LEKR1: variants seen among roughly 807,000 people sequenced by gnomAD.
The protein encoded by LEKR1 is protein LEKR1.
Under a neutral mutation model 72.4 loss-of-function variants are expected in LEKR1, and 59 were observed. The ratio of observed to expected loss-of-function variants is 0.82; its 90% CI spans 0.66 to 1.01. LEKR1 has a LOEUF of 1.01. Among genes scored for constraint, LEKR1 ranks in the 50% least tolerant of loss-of-function variants. The probability of loss-of-function intolerance (pLI) is 0.00; values close to 1 mark genes in which losing one functional copy is unlikely to be tolerated. For synonymous variants in LEKR1, 257 were observed against 263.2 expected (o/e 0.98, Z 0.23); for missense variants, 728 against 759.2 (o/e 0.96, Z 0.48).
chr3:156,854,881 C>A (rs1224585027), intron 3 of LEKR1, among the ~76,000 whole-genome samples: 1 of 152,062 alleles, frequency 6.6e-6, no homozygotes, highest in East Asian at 1.9e-4. Context: ...TAGTTTATAT[C>A]TTTATCTTTT....
intron 6 of LEKR1, among the ~76,000 whole-genome samples, chr3:156,968,142 G>T (rs1728802275): frequency 6.6e-6 from 1 of 152,100 alleles, no homozygotes; most frequent in Admixed American, 6.5e-5. Flanking sequence ...ACATGGAAAG[G>T]AACAACCAGT....
At chr3:156,874,680 C>G (rs1718356787) in intron 3 of LEKR1, among the ~76,000 whole-genome samples, 1 of 152,122 alleles carries the variant, frequency 6.6e-6, no homozygotes, top group Non-Finnish European at 1.5e-5. Flanking sequence ...CTTTATCCCT[C>G]AAGTCCCTCC....
chr3:156,948,068 A>C (rs750060530), intron 6 of LEKR1, among the ~76,000 whole-genome samples: 28 of 151,208 alleles, frequency 1.9e-4, no homozygotes, highest in Non-Finnish European at 3.9e-4. Context: ...TTTGAATTGC[A>C]TTATATTTAT....
At chr3:156,831,682 A>G (rs960146660) in intron 2 of LEKR1, among the ~76,000 whole-genome samples, 7 of 152,196 alleles carry the variant, frequency 4.6e-5, no homozygotes, top group African/African-American at 1.7e-4. Context: ...TAAAACCATC[A>G]GATCTTGTGA....
At chr3:156,935,815 A>T (rs1438247986) in intron 5 of LEKR1, among the ~76,000 whole-genome samples, 1 of 152,198 alleles carries the variant, frequency 6.6e-6, no homozygotes, top group Non-Finnish European at 1.5e-5. Context: ...GAAATAAAAT[A>T]CACTATTAAA....
rs1050186854 is a variant in LEKR1, at chr3:156,916,725, T to C, written c.264-3850T>C. On this transcript the variant is annotated intron_variant, in intron 3 of 12. Transcript: ENST00000356539. The stretch of plus-strand genomic sequence containing the variant: ...AACAGGGATAGTTTGACTTCCTCTC[T>C]TCCTATTTGGATGTACTTCATTTCT... Among the ~76,000 whole-genome samples the C allele has an allele frequency of 1.2e-4, 18 of 152,312 alleles. No individual in the cohort carries two copies. In the South Asian group the frequency reaches 3.3e-3, roughly 28 times the overall value.
intron 3 of LEKR1, among the ~76,000 whole-genome samples, chr3:156,857,473 G>T (rs1367047089): frequency 6.6e-6 from 1 of 152,096 alleles, no homozygotes; most frequent in East Asian, 1.9e-4. Flanking sequence ...TAAGTATATA[G>T]CTACAGGTTG....
intron 12 of LEKR1, among the ~76,000 whole-genome samples, chr3:157,039,986 G>A (rs1735235601): frequency 6.6e-6 from 1 of 152,192 alleles, no homozygotes; most frequent in Admixed American, 6.5e-5. Context: ...GGAGGATCAA[G>A]AAAGCTTTTA....
rs868046609 is a variant in LEKR1 at position 156,927,512 on chromosome 3, A to T, written c.467A>T (p.Lys156Ile). ...ACTAAAAGGGAACTAACCAGTATTA[A>T]AAATGAAGTATATGATAATTACCAA... ...TFTKRELTSI[K>I]NEVYDNYQNW... is the part of the protein sequence containing the mutation. The change falls in exon 5 of 13, where the codon AAA becomes ATA. Residue 156 changes from lysine to isoleucine, a missense_variant. By Grantham distance (102) the Lys-to-Ile change is moderately radical. Transcript: ENST00000356539. 1 of 1,211,728 alleles carries T rather than the reference A, an allele frequency of 8.3e-7. No individual in the cohort carries two copies. The highest frequency in any genetic ancestry group is 1.1e-6 in the Non-Finnish European group (1 of 945,184). 75.1% of individuals were successfully genotyped at this position (1,211,728 alleles called of 1,614,324 possible). A position where few individuals can be genotyped will look rare whatever the true frequency, so the allele number is the denominator to read the frequency against.
chr3:157,009,263 G>A (rs1327764990), intron 9 of LEKR1, among the ~76,000 whole-genome samples: 1 of 152,044 alleles, frequency 6.6e-6, no homozygotes, highest in Non-Finnish European at 1.5e-5. Flanking sequence ...ATTTAAATAT[G>A]TAATTGTCTT....
chr3:156,876,233 G>A (rs1718559142), intron 3 of LEKR1, among the ~76,000 whole-genome samples: 1 of 152,090 alleles, frequency 6.6e-6, no homozygotes. Flanking sequence ...GGTAACCATA[G>A]CCTTGTAGTA....
intron 3 of LEKR1, among the ~76,000 whole-genome samples, chr3:156,914,996 C>T (rs1301058697): frequency 1.3e-5 from 2 of 151,898 alleles, no homozygotes. Context: ...TGTGTCCATC[C>T]ATCCTCATCA....
At chr3:156,852,746 A>T in intron 2 of LEKR1, 22 bp from the exon 3 acceptor site, 1 of 1,314,418 alleles carries the variant, frequency 7.6e-7, no homozygotes, top group Non-Finnish European at 1.0e-6. Flanking sequence ...AAAATTTGGT[A>T]AGTGTATGTT....
intron 3 of LEKR1, among the ~76,000 whole-genome samples, chr3:156,883,854 C>G (rs1719756061): frequency 6.6e-6 from 1 of 152,168 alleles, no homozygotes. Flanking sequence ...CTAATACCAC[C>G]TTTCCAATGC....
At chr3:157,032,222 C>G (rs1734666824) in intron 12 of LEKR1, among the ~76,000 whole-genome samples, 1 of 152,170 alleles carries the variant, frequency 6.6e-6, no homozygotes, top group East Asian at 1.9e-4. Flanking sequence ...CAGTGTGACC[C>G]CCTATTACGG....
chr3:156,997,061 AT>A (rs1051871127), intron 9 of LEKR1, among the ~76,000 whole-genome samples: 2 of 144,224 alleles, frequency 1.4e-5, no homozygotes, highest in Admixed American at 6.8e-5. Flanking sequence ...GCAAAACTTC[AT>A]TTAAAAAAAA....
chr3:156,900,471 T>C (rs1030537205), intron 3 of LEKR1, among the ~76,000 whole-genome samples: 1 of 152,206 alleles, frequency 6.6e-6, no homozygotes, highest in Non-Finnish European at 1.5e-5. Flanking sequence ...GCCAGTCTTA[T>C]AACTAAGGTG....
chr3:156,860,948 A>C (rs1222421049), intron 3 of LEKR1, among the ~76,000 whole-genome samples: 2 of 152,156 alleles, frequency 1.3e-5, no homozygotes, highest in Non-Finnish European at 2.9e-5. Context: ...AGGAATATGA[A>C]GGGGGAAGCA....
intron 12 of LEKR1, among the ~76,000 whole-genome samples, chr3:157,038,267 G>T (rs113270423): frequency 0.018 from 2,782 of 152,238 alleles, 38 homozygotes; most frequent in Non-Finnish European, 0.03. Context: ...AAGGAGTCAA[G>T]GATAACTCCA....
Sources: allele counts gnomAD v4.1 joint callset (sites outside exome capture counted in the v4.1 genomes callset), GRCh38; gene constraint gnomAD v4.1.1; transcripts MANE v1.5; gene names NCBI Gene and HGNC (gene_info 2026-07-23, HGNC 2026-07-21).